NLGN1: variants seen among roughly 807,000 people sequenced by gnomAD.
The protein encoded by NLGN1 is neuroligin 1.
In NLGN1, 12 loss-of-function variants were observed where a neutral mutation model predicts 65.5. The ratio of observed to expected loss-of-function variants is 0.18; its 90% CI spans 0.12 to 0.30. The LOEUF (loss-of-function observed/expected upper bound fraction) is 0.30. Among genes scored for constraint, NLGN1 ranks in the 10% least tolerant of loss-of-function variants. The probability of loss-of-function intolerance (pLI) is 1.00; values close to 1 mark genes in which losing one functional copy is unlikely to be tolerated. For synonymous variants in NLGN1, 350 were observed against 359.5 expected (o/e 0.97, Z 0.30); for missense variants, 750 against 1,007.1 (o/e 0.74, Z 3.46).
rs562999280 is a variant in NLGN1 at position 173,499,486 on chromosome 3, C to T, written c.-321+64408C>T. 3.9e-4 allele frequency among the ~76,000 whole-genome samples: 59 copies of T among 151,872 alleles called. 4 individuals are homozygous for T. Among genetic ancestry groups the T allele is most frequent in the African/African-American group, 1.4e-3 (56 of 41,218 alleles). On this transcript the variant is annotated intron_variant, in intron 2 of 6. Coordinates refer to ENST00000457714, the Ensembl canonical transcript of NLGN1. ...TGTAGTATAGTTTGAAGTCAGGTAG[C>T]GTGATGCCTCCAGCTTTGTTCTTTT...
intron 4 of NLGN1, among the ~76,000 whole-genome samples, chr3:174,213,772 G>T (rs1047711432): frequency 6.6e-6 from 1 of 152,132 alleles, no homozygotes; most frequent in Middle Eastern, 3.4e-3. Flanking sequence ...AGAATCATGG[G>T]ATTAAAAGTA....
At chr3:173,626,124 G>A (rs183137593) in intron 3 of NLGN1, among the ~76,000 whole-genome samples, 1 of 152,058 alleles carries the variant, frequency 6.6e-6, no homozygotes, top group Non-Finnish European at 1.5e-5. Flanking sequence ...ATACAGTAGC[G>A]TCTAGCTCCA....
intron 3 of NLGN1, among the ~76,000 whole-genome samples, chr3:173,767,099 G>A (rs978428941): frequency 6.6e-6 from 1 of 152,104 alleles, no homozygotes; most frequent in African/African-American, 2.4e-5. Flanking sequence ...AATGTTTAAT[G>A]TGTAATTATA....
At chr3:173,770,497 G>A (rs1425370104) in intron 3 of NLGN1, among the ~76,000 whole-genome samples, 1 of 152,080 alleles carries the variant, frequency 6.6e-6, no homozygotes, top group Non-Finnish European at 1.5e-5. Flanking sequence ...GCTACCCCCT[G>A]ATATTTTGCT....
chr3:173,548,962 G>A (rs1444264834), intron 2 of NLGN1, among the ~76,000 whole-genome samples: 10 of 151,834 alleles, frequency 6.6e-5, no homozygotes, highest in East Asian at 1.9e-4. Flanking sequence ...AATGGCTTAC[G>A]TACTGCAGTT....
chr3:173,713,740 T>G (rs564484622), intron 3 of NLGN1, among the ~76,000 whole-genome samples: 1 of 152,256 alleles, frequency 6.6e-6, no homozygotes. Flanking sequence ...GCAAAATGTT[T>G]AGAATACAGC....
chr3:174,007,798 G>A (rs1724742471), intron 4 of NLGN1, among the ~76,000 whole-genome samples: 1 of 152,184 alleles, frequency 6.6e-6, no homozygotes, highest in African/African-American at 2.4e-5. Context: ...CATGCAGTTA[G>A]AATTATACAT....
rs535820004 is a variant in NLGN1, at chr3:173,766,451, A to G, written c.494-41229A>G. Among the ~76,000 whole-genome samples the G allele has an allele frequency of 6.6e-5, 10 of 152,016 alleles. No homozygotes were observed. In the East Asian group the frequency reaches 1.7e-3, roughly 26 times the overall value. On this transcript the variant is annotated intron_variant, in intron 3 of 6. Coordinates refer to ENST00000457714, the Ensembl canonical transcript of NLGN1. Reference sequence around the variant, plus strand: ...TATTTTCCCTCCTCCATGTTCTCCTATTAGTAGTAGTAGTAGCAGCAATAT... The same window carrying G: ...TATTTTCCCTCCTCCATGTTCTCCTGTTAGTAGTAGTAGTAGCAGCAATAT...
intron 3 of NLGN1, among the ~76,000 whole-genome samples, chr3:173,684,986 A>C (rs1764481147): frequency 6.6e-6 from 1 of 151,724 alleles, no homozygotes; most frequent in Admixed American, 6.6e-5. Context: ...ATTATTTCGT[A>C]CTGATAGATT....
chr3:173,650,510 A>G (rs767207409), intron 3 of NLGN1, among the ~76,000 whole-genome samples: 57 of 152,168 alleles, frequency 3.7e-4, no homozygotes, highest in Non-Finnish European at 6.5e-4. Flanking sequence ...ATGTATTGTC[A>G]AACTTTAAAG....
chr3:174,147,314 C>T (rs753982589), intron 4 of NLGN1, among the ~76,000 whole-genome samples: 3 of 151,484 alleles, frequency 2.0e-5, no homozygotes, highest in Admixed American at 1.3e-4. Flanking sequence ...ACAGGTCTAC[C>T]GAACAAGAGC....
chr3:173,565,702 T>C (rs1341915905), intron 2 of NLGN1, among the ~76,000 whole-genome samples: 1 of 152,138 alleles, frequency 6.6e-6, no homozygotes, highest in East Asian at 1.9e-4. Flanking sequence ...CCTAGTTATA[T>C]GTATTACCAC....
chr3:173,935,272 G>A (rs1209347127), intron 4 of NLGN1, among the ~76,000 whole-genome samples: 1 of 151,964 alleles, frequency 6.6e-6, no homozygotes, highest in African/African-American at 2.4e-5. Flanking sequence ...GGTTATAAAG[G>A]TTAAGGGACC....
chr3:173,408,683 C>T (rs1259529586), intron 1 of NLGN1, among the ~76,000 whole-genome samples: 4 of 152,258 alleles, frequency 2.6e-5, no homozygotes, highest in Non-Finnish European at 4.4e-5. Flanking sequence ...GAGGCCGAGG[C>T]GGGCGGATCA....
At chr3:174,040,244 ACT>A (rs1305588976) in intron 4 of NLGN1, among the ~76,000 whole-genome samples, 1 of 152,016 alleles carries the variant, frequency 6.6e-6, no homozygotes, top group Non-Finnish European at 1.5e-5. Context: ...CTTCTGATTA[ACT>A]CTGTGTGTTA....
At chr3:173,609,775 A>G (rs1560045426) in intron 3 of NLGN1, among the ~76,000 whole-genome samples, 1 of 151,946 alleles carries the variant, frequency 6.6e-6, no homozygotes, top group East Asian at 1.9e-4. Flanking sequence ...GATGAACACA[A>G]TAAAAACTAA....
chr3:173,800,167 C>T (rs757616684), intron 3 of NLGN1: 27 of 216,252 alleles, frequency 1.2e-4, no homozygotes, highest in Non-Finnish European at 2.2e-4. Flanking sequence ...GATGTGACCA[C>T]TTCCCCACTC....
At chr3:173,451,727 C>T (rs539773316) in intron 2 of NLGN1, among the ~76,000 whole-genome samples, 1 of 152,310 alleles carries the variant, frequency 6.6e-6, no homozygotes, top group South Asian at 2.1e-4. Context: ...GCTTCCTGGC[C>T]ACTCTGTTTA....
intron 2 of NLGN1, among the ~76,000 whole-genome samples, chr3:173,563,547 A>G (rs1275695875): frequency 6.6e-6 from 1 of 152,236 alleles, no homozygotes; most frequent in African/African-American, 2.4e-5. Context: ...CGCCAGCATT[A>G]CCAGGACTCC....
Sources: gnomAD v4.1 joint callset for allele counts (sites outside exome capture counted in the v4.1 genomes callset) on GRCh38, gnomAD v4.1.1 for gene constraint, MANE v1.5 for transcripts, NCBI Gene and HGNC (gene_info 2026-07-23, HGNC 2026-07-21) for gene names.